The following ZFP90 variants were observed in gnomAD, a reference collection of about 807,000 sequenced individuals.
The protein encoded by ZFP90 is zinc finger protein 90 homolog.
ZFP90 carries 38 observed loss-of-function variants against 60.8 expected under a neutral mutation model. That is an observed-to-expected ratio of 0.62 (90% CI 0.48 to 0.82). The LOEUF is 0.82. Ranked by LOEUF, ZFP90 falls within the 40% of genes least tolerant of loss-of-function variation. The probability of loss-of-function intolerance (pLI) is 0.00; values close to 1 mark genes in which losing one functional copy is unlikely to be tolerated. For missense variants in ZFP90, 711 were observed against 759.1 expected, an observed-to-expected ratio of 0.94 and a Z score of 0.74; for synonymous variants, 287 against 264.8, an observed-to-expected ratio of 1.08 and a Z score of -0.82.
At chr16:68,570,995 C>T (rs947157748), downstream of ZFP90, among the ~76,000 whole-genome samples, 1 of 152,098 alleles carries the variant, frequency 6.6e-6, no homozygotes, top group African/African-American at 2.4e-5. Flanking sequence ...TCCAGTTTGT[C>T]GGTTTGGGTG....
upstream of ZFP90, among the ~76,000 whole-genome samples, chr16:68,535,009 C>T (rs1305524041): frequency 6.6e-6 from 1 of 152,154 alleles, no homozygotes; most frequent in Non-Finnish European, 1.5e-5. Context: ...GAATATTATA[C>T]TATTTTTTCT....
At chr16:68,555,683 G>T (rs564931386) in intron 2 of ZFP90, among the ~76,000 whole-genome samples, 2 of 152,184 alleles carry the variant, frequency 1.3e-5, no homozygotes, top group African/African-American at 4.8e-5. Flanking sequence ...TTTGAATAAT[G>T]GTAGGTGTGC....
Position 68,564,107 on chromosome 16 carries a change from T to C in ZFP90, c.1320T>C (p.Asp440=), listed in dbSNP as rs748863186. 3 of 1,614,152 alleles carry C rather than the reference T, an allele frequency of 1.9e-6. No individual in the cohort carries two copies. Among genetic ancestry groups the C allele is most frequent in the Admixed American group, 3.3e-5 (2 of 60,014 alleles). ...DFKHSTSLTQ[D]ESTLTEVKSY... is the part of the protein sequence containing the mutation. Reference sequence around the variant, plus strand: ...AGCACAGCACATCTCTCACTCAAGATGAAAGCACTCTTACCGAAGTGAAAT... The same window carrying C: ...AGCACAGCACATCTCTCACTCAAGACGAAAGCACTCTTACCGAAGTGAAAT... Residue 440 remains aspartate, a synonymous_variant, in exon 5 of 5, where the codon GAT becomes GAC. Coordinates refer to ENST00000563169, the MANE Select transcript of ZFP90 (RefSeq NM_001305203.2).
chr16:68,567,559 A>T (rs968208041), downstream of ZFP90, among the ~76,000 whole-genome samples: 1 of 152,180 alleles, frequency 6.6e-6, no homozygotes, highest in Admixed American at 6.5e-5. Flanking sequence ...AGGCCAAAAG[A>T]TAAAGGCCTA....
At chr16:68,550,827 G>C (rs937837813) in intron 2 of ZFP90, among the ~76,000 whole-genome samples, 3 of 152,178 alleles carry the variant, frequency 2.0e-5, no homozygotes, top group East Asian at 3.8e-4. Context: ...TGAAGGCAAG[G>C]GACTGAATTC....
intron 2 of ZFP90, among the ~76,000 whole-genome samples, chr16:68,541,841 G>T (rs1238472088): frequency 6.6e-6 from 1 of 152,150 alleles, no homozygotes; most frequent in African/African-American, 2.4e-5. Context: ...TACCTTTTTA[G>T]TGGTGAAAGT....
chr16:68,553,905 G>A (rs1316107126), intron 2 of ZFP90, among the ~76,000 whole-genome samples: 1 of 152,108 alleles, frequency 6.6e-6, no homozygotes, highest in African/African-American at 2.4e-5. Flanking sequence ...GATCACAGGT[G>A]TGAGCCACCA....
chr16:68,555,853 T>G (rs186082140), intron 2 of ZFP90, among the ~76,000 whole-genome samples: 26 of 152,300 alleles, frequency 1.7e-4, no homozygotes, highest in Admixed American at 1.7e-3. Flanking sequence ...GTGAATCGGT[T>G]CAGCTATACC....
chr16:68,536,084 C>G (rs1232826667), upstream of ZFP90, among the ~76,000 whole-genome samples: 1 of 152,178 alleles, frequency 6.6e-6, no homozygotes, highest in Non-Finnish European at 1.5e-5. Flanking sequence ...TTTTCCAGTA[C>G]ATGCACTTTC....
chr16:68,543,881 G>A (rs1268337563), intron 2 of ZFP90, among the ~76,000 whole-genome samples: 2 of 119,820 alleles, frequency 1.7e-5, no homozygotes, highest in African/African-American at 3.3e-5. Flanking sequence ...TTTTTTTTTC[G>A]AGGTAGAGTC....
intron 4 of ZFP90, chr16:68,562,584 A>G (rs1002351255): frequency 1.1e-5 from 2 of 184,518 alleles, no homozygotes; most frequent in Non-Finnish European, 2.3e-5. Flanking sequence ...TTTCAGTTGT[A>G]TCACTGGGTA....
intron 4 of ZFP90, among the ~76,000 whole-genome samples, chr16:68,559,442 C>T (rs993596030): frequency 6.6e-6 from 1 of 152,150 alleles, no homozygotes; most frequent in African/African-American, 2.4e-5. Flanking sequence ...AGGCTGGATA[C>T]CCTAATTAGT....
At chr16:68,567,761 T>C (rs1327946693), downstream of ZFP90, among the ~76,000 whole-genome samples, 3 of 152,222 alleles carry the variant, frequency 2.0e-5, no homozygotes, top group East Asian at 5.8e-4. Flanking sequence ...TTTTTATGTT[T>C]GTTGCTTGCA....
intron 2 of ZFP90, among the ~76,000 whole-genome samples, chr16:68,552,460 C>T (rs1311309538): frequency 1.3e-5 from 2 of 152,082 alleles, no homozygotes; most frequent in Non-Finnish European, 2.9e-5. Flanking sequence ...GGGGACACAG[C>T]CCAGACCTGG....
At chr16:68,556,710 G>A (rs1289201608) in intron 2 of ZFP90, among the ~76,000 whole-genome samples, 5 of 152,088 alleles carry the variant, frequency 3.3e-5, no homozygotes, top group African/African-American at 4.8e-5. Flanking sequence ...CCTTTTTCTC[G>A]GAATCTGTTC....
chr16:68,534,483 C>T (rs1419445937), upstream of ZFP90, among the ~76,000 whole-genome samples: 1 of 151,168 alleles, frequency 6.6e-6, no homozygotes, highest in Non-Finnish European at 1.5e-5. Context: ...CTGCCTCGGC[C>T]TCTCAAAGTG....
intron 2 of ZFP90, among the ~76,000 whole-genome samples, chr16:68,544,864 C>CTTTTTTTTTT (rs71148911): frequency 1.5e-5 from 1 of 66,564 alleles, no homozygotes; most frequent in African/African-American, 6.2e-5. Context: ...CTGTGAACAC[C>CTTTTTTTTTT]TTTTTTTTTT....
intron 3 of ZFP90, 113 bp from the exon 4 acceptor site, chr16:68,558,360 T>G (rs1370355984): frequency 1.7e-6 from 2 of 1,159,250 alleles, no homozygotes; most frequent in Middle Eastern, 3.8e-4. Flanking sequence ...AAGTTGCACC[T>G]TTTTTTTCCT....
intron 2 of ZFP90, among the ~76,000 whole-genome samples, chr16:68,544,830 C>T (rs1043583765): frequency 4.0e-5 from 6 of 148,700 alleles, no homozygotes; most frequent in Admixed American, 6.7e-5. Flanking sequence ...CGTTAGGTAC[C>T]GCTCCTGTGT....
Sources: allele counts gnomAD v4.1 joint callset (sites outside exome capture counted in the v4.1 genomes callset), GRCh38; gene constraint gnomAD v4.1.1; transcripts MANE v1.5; gene names NCBI Gene and HGNC (gene_info 2026-07-23, HGNC 2026-07-21).